The following CNTNAP2 variants were observed in gnomAD, a reference collection of about 807,000 sequenced individuals.
CNTNAP2 encodes contactin-associated protein-like 2.
Under a neutral mutation model 155.2 loss-of-function variants are expected in CNTNAP2, and 98 were observed. The observed-to-expected ratio is 0.63, with a 90% CI of 0.54 to 0.75. The LOEUF (loss-of-function observed/expected upper bound fraction) is 0.75. CNTNAP2 is among the 30% of genes least tolerant of loss of function. CNTNAP2 has a pLI of 0.00. For missense variants in CNTNAP2, 1,727 were observed against 1,688.1 expected (o/e 1.02, Z -0.40); for synonymous variants, 651 against 631.2 (o/e 1.03, Z -0.47).
chr7:146,121,118 C>T (rs1797556092), intron 1 of CNTNAP2, among the ~76,000 whole-genome samples: 49 of 106,678 alleles, frequency 4.6e-4, no homozygotes, highest in Non-Finnish European at 5.9e-4. Context: ...CATAAAGCTT[C>T]CTTTTTTTTT....
intron 3 of CNTNAP2, among the ~76,000 whole-genome samples, chr7:146,979,156 C>T (rs111332249): frequency 6.6e-6 from 1 of 152,108 alleles, no homozygotes; most frequent in African/African-American, 2.4e-5. Context: ...ATCTCCTTAA[C>T]TCTTCTGTTC....
intron 16 of CNTNAP2, among the ~76,000 whole-genome samples, chr7:148,138,098 C>T (rs1804995853): frequency 6.6e-6 from 1 of 152,164 alleles, no homozygotes; most frequent in Admixed American, 6.5e-5. Flanking sequence ...TCCACAGAAA[C>T]CAGAAAACAG....
intron 1 of CNTNAP2, among the ~76,000 whole-genome samples, chr7:146,351,001 G>A (rs998714949): frequency 6.9e-6 from 1 of 144,102 alleles, no homozygotes; most frequent in African/African-American, 2.6e-5. Context: ...AACACAGGAA[G>A]GGGAGCATCA....
intron 3 of CNTNAP2, among the ~76,000 whole-genome samples, chr7:146,875,690 G>A (rs998429451): frequency 3.3e-5 from 5 of 151,752 alleles, no homozygotes; most frequent in African/African-American, 7.2e-5. Context: ...GGCAAAGCCA[G>A]TTAGGAAATA....
chr7:147,707,574 T>C (rs1796334838), intron 13 of CNTNAP2, among the ~76,000 whole-genome samples: 1 of 152,158 alleles, frequency 6.6e-6, no homozygotes, highest in Admixed American at 6.5e-5. Flanking sequence ...GGGCAACATA[T>C]GCTAATATAC....
chr7:146,135,059 G>A lies in CNTNAP2; in HGVS notation c.97+18086G>A, dbSNP rs910189095. Among the ~76,000 whole-genome samples, 14 of 152,138 alleles carry A rather than the reference G, an allele frequency of 9.2e-5. No individual in the cohort carries two copies. The South Asian group carries it at 1.7e-3, about 18-fold the overall frequency. On this transcript the variant is annotated intron_variant, in intron 1 of 23. Coordinates refer to ENST00000361727, the MANE Select transcript of CNTNAP2 (RefSeq NM_014141.6). ...CTGGTCCTGGACTCTTTTTTATAAT[G>A]TAACATTTCTAACATGCTCCCAGAT...
At chr7:147,107,537 T>C (rs779640351) in intron 4 of CNTNAP2, among the ~76,000 whole-genome samples, 12 of 151,918 alleles carry the variant, frequency 7.9e-5, no homozygotes, top group Non-Finnish European at 1.3e-4. Flanking sequence ...TGCAAGGAGG[T>C]AATAAGAAAT....
At chr7:146,750,509 G>A (rs985338516) in intron 1 of CNTNAP2, among the ~76,000 whole-genome samples, 18 of 152,226 alleles carry the variant, frequency 1.2e-4, no homozygotes, top group African/African-American at 3.9e-4. Flanking sequence ...TGGATGTGGC[G>A]GAACACTCAC....
intron 13 of CNTNAP2, among the ~76,000 whole-genome samples, chr7:147,692,010 G>T (rs1796094034): frequency 6.6e-6 from 1 of 152,030 alleles, no homozygotes; most frequent in Admixed American, 6.6e-5. Flanking sequence ...CTCTGCTCTG[G>T]TTATTCATCA....
At chr7:146,393,090 A>G (rs1180964415) in intron 1 of CNTNAP2, among the ~76,000 whole-genome samples, 2 of 152,194 alleles carry the variant, frequency 1.3e-5, no homozygotes, top group Non-Finnish European at 2.9e-5. Context: ...TTGCGCTTCT[A>G]TTATCTTCTA....
intron 10 of CNTNAP2, among the ~76,000 whole-genome samples, chr7:147,398,698 A>G (rs1244459575): frequency 2.1e-5 from 3 of 141,754 alleles, no homozygotes; most frequent in African/African-American, 8.0e-5. Context: ...CAAGCTTGCC[A>G]AGCTACAGAA....
At chr7:147,115,944 GT>G (rs773407079) in intron 5 of CNTNAP2, among the ~76,000 whole-genome samples, 2 of 152,154 alleles carry the variant, frequency 1.3e-5, no homozygotes, top group Non-Finnish European at 2.9e-5. Context: ...CATCTTTGGT[GT>G]CTTATCTACC....
chr7:147,580,853 T>A (rs1045524113), intron 12 of CNTNAP2, among the ~76,000 whole-genome samples: 2 of 152,194 alleles, frequency 1.3e-5, no homozygotes, highest in African/African-American at 4.8e-5. Flanking sequence ...TGACCTCAGA[T>A]GATCCGCCCG....
chr7:146,655,751 G>T (rs1799986602), intron 1 of CNTNAP2, among the ~76,000 whole-genome samples: 1 of 152,108 alleles, frequency 6.6e-6, no homozygotes, highest in South Asian at 2.1e-4. Flanking sequence ...CTATTTATCT[G>T]TGAAGTCCTT....
chr7:147,269,575 G>A (rs1293834663), intron 8 of CNTNAP2, among the ~76,000 whole-genome samples: 1 of 152,128 alleles, frequency 6.6e-6, no homozygotes, highest in African/African-American at 2.4e-5. Context: ...GGTCCCCTGG[G>A]TTTTGTTTAC....
rs1189273229 is a variant in CNTNAP2 at position 148,416,584 on chromosome 7, G to GTTGCGTTTCTTA, written c.*971_*982dup. The stretch of plus-strand genomic sequence containing the variant: ...AATTTCTAGTGAATGCATAAATTAG[G>GTTGCGTTTCTTA]TTGCGTTTCTTATTTTGCTTTAAAT... On this transcript the variant is annotated 3_prime_UTR_variant, in exon 24 of 24. Coordinates refer to ENST00000361727, the MANE Select transcript of CNTNAP2 (RefSeq NM_014141.6). 1 of 152,602 alleles carries GTTGCGTTTCTTA rather than the reference G, an allele frequency of 6.6e-6. No homozygotes were observed. The highest frequency in any genetic ancestry group is 1.5e-5 in the Non-Finnish European group (1 of 68,048). The allele number at this position is 152,602 out of a possible 1,614,324, so 9.5% of individuals were successfully genotyped here. A position where few individuals can be genotyped will look rare whatever the true frequency, so the allele number is the denominator to read the frequency against.
intron 11 of CNTNAP2, among the ~76,000 whole-genome samples, chr7:147,508,047 C>G (rs763717988): frequency 2.0e-5 from 3 of 152,134 alleles, no homozygotes; most frequent in Non-Finnish European, 4.4e-5. Context: ...CTTACTGTCC[C>G]TAACCATGGC....
intron 13 of CNTNAP2, among the ~76,000 whole-genome samples, chr7:147,826,665 T>A (rs1276030951): frequency 6.6e-6 from 1 of 152,160 alleles, no homozygotes; most frequent in East Asian, 1.9e-4. Context: ...TCAAACTCAA[T>A]TCACTGACTG....
intron 4 of CNTNAP2, among the ~76,000 whole-genome samples, chr7:147,056,060 C>T (rs1354058815): frequency 6.6e-6 from 1 of 152,130 alleles, no homozygotes; most frequent in Non-Finnish European, 1.5e-5. Context: ...TTTGATTTAA[C>T]AATCCGAATT....
Sources: allele counts gnomAD v4.1 joint callset (sites outside exome capture counted in the v4.1 genomes callset), GRCh38; gene constraint gnomAD v4.1.1; transcripts MANE v1.5; gene names NCBI Gene and HGNC (gene_info 2026-07-23, HGNC 2026-07-21).